Variants in ZNF581 observed in about 807,000 individuals in gnomAD.
ZNF581 encodes zinc finger protein 581.
ZNF581 carries 1 observed loss-of-function variant against 1.2 expected under a neutral mutation model. The ratio of observed to expected loss-of-function variants is 0.83; its 90% CI spans 0.30 to 3.95. The LOEUF is 3.95. ZNF581 is among the 30% of genes most tolerant of loss of function. The pLI is 0.18. For synonymous variants in ZNF581, 105 were observed against 109.2 expected, an observed-to-expected ratio of 0.96 and a Z score of 0.24; for missense variants, 273 against 274.6, an observed-to-expected ratio of 0.99 and a Z score of 0.04.
chr19:55,635,187 A>G (rs1335586390), upstream of ZNF581: 2 of 152,366 alleles, frequency 1.3e-5, no homozygotes, highest in Admixed American at 6.6e-5. Context: ...GGCCCTGCGA[A>G]GGAGGCTTGG....
In ZNF581 at chr19:55,644,420, C is replaced by T; in HGVS notation, c.-19-133C>T. ...CCACAGACTCCAGCTGTGAGCGGGA[C>T]TGGAAAAGAGGGACTGAGGGGCAGC... On this transcript the variant is annotated intron_variant, in intron 1 of 1. Coordinates refer to ENST00000270451, the MANE Select transcript of ZNF581 (RefSeq NM_016535.4). This position sits in a 1 kb window ranked among gnomAD's most constrained non-coding sequence, Gnocchi z 4.3. The T allele has an allele frequency of 3.2e-6, 2 of 632,686 alleles. No homozygotes were observed. The highest frequency in any genetic ancestry group is 2.7e-6 in the Non-Finnish European group (1 of 368,612). The allele number at this position is 632,686 out of a possible 1,614,324, so 39.2% of individuals were successfully genotyped here.
upstream of ZNF581, chr19:55,641,131 G>T (rs1404027824): frequency 6.1e-6 from 6 of 985,058 alleles, no homozygotes; most frequent in Non-Finnish European, 7.2e-6. Context: ...GGAAGCCCGG[G>T]GCCGCCCGGG....
chr19:55,635,570 C>T (rs756695648), exon 1 of ZNF581: 17 of 674,800 alleles, frequency 2.5e-5, no homozygotes, highest in Non-Finnish European at 3.1e-5. Context: ...CTCGCTGGAC[C>T]GTTGAGAGGA....
upstream of ZNF581, among the ~76,000 whole-genome samples, chr19:55,638,109 G>A (rs760303418): frequency 6.6e-6 from 1 of 152,278 alleles, no homozygotes; most frequent in East Asian, 1.9e-4. Flanking sequence ...TATACAGGAC[G>A]TGTGGTCCTG....
chr19:55,642,731 G>A (rs780430116), upstream of ZNF581: 4 of 1,515,762 alleles, frequency 2.6e-6, no homozygotes, highest in South Asian at 3.7e-5. Context: ...GGAGCCCCGG[G>A]GCCCGCCCCA....
chr19:55,640,355 A>T, upstream of ZNF581: 1 of 985,476 alleles, frequency 1.0e-6, no homozygotes, highest in Non-Finnish European at 1.2e-6. Context: ...TCAGGCTTCC[A>T]GTGGGCCCCG....
upstream of ZNF581, chr19:55,642,350 TGGAGTC>T: frequency 7.9e-7 from 1 of 1,270,786 alleles, no homozygotes; most frequent in Non-Finnish European, 9.9e-7. Context: ...AGAGCCGGGC[TGGAGTC>T]ACAGTTTTTA....
chr19:55,642,086 G>GA, upstream of ZNF581: 1 of 992,440 alleles, frequency 1.0e-6, no homozygotes, highest in Non-Finnish European at 1.2e-6. Context: ...CAGGAAAAAA[G>GA]AAGAAACCAC....
upstream of ZNF581, among the ~76,000 whole-genome samples, chr19:55,638,138 G>T (rs933418841): frequency 1.3e-5 from 2 of 152,172 alleles, no homozygotes; most frequent in African/African-American, 4.8e-5. Context: ...TTCTGGCGAG[G>T]GCTTCAGGAA....
chr19:55,637,637 G>A (rs1240355725), upstream of ZNF581, among the ~76,000 whole-genome samples: 2 of 152,154 alleles, frequency 1.3e-5, no homozygotes, highest in Non-Finnish European at 2.9e-5. Context: ...GGTGGTTTGC[G>A]CTGGGGTGGC....
chr19:55,639,217 CCATCTGGTGGGTGG>C (rs747255251), upstream of ZNF581, among the ~76,000 whole-genome samples: 4 of 152,038 alleles, frequency 2.6e-5, no homozygotes, highest in Admixed American at 6.6e-5. Flanking sequence ...GGTGCTACTG[CCATCTGGTGGGTGG>C]AGGCCAAGGA....
upstream of ZNF581, among the ~76,000 whole-genome samples, chr19:55,636,853 A>C (rs1353265296): frequency 6.6e-6 from 1 of 152,146 alleles, no homozygotes; most frequent in Non-Finnish European, 1.5e-5. Flanking sequence ...CATCACAGAG[A>C]GGGGAGGAGC....
chr19:55,642,799 C>T, upstream of ZNF581: 1 of 1,564,032 alleles, frequency 6.4e-7, no homozygotes, highest in Non-Finnish European at 8.6e-7. Context: ...GCCCGGAGTG[C>T]GCCCGTGTCT....
chr19:55,641,035 C>T (rs960094302), upstream of ZNF581: 21 of 985,202 alleles, frequency 2.1e-5, no homozygotes, highest in African/African-American at 2.8e-4. Context: ...ACCCCTCGCA[C>T]CCCCGCGCCC....
chr19:55,638,675 G>T (rs1441040682), upstream of ZNF581, among the ~76,000 whole-genome samples: 1 of 151,994 alleles, frequency 6.6e-6, no homozygotes, highest in Non-Finnish European at 1.5e-5. Context: ...CTCCAACACT[G>T]GGGATTACAT....
At chr19:55,640,773 C>G (rs1343079607), upstream of ZNF581, 1 of 985,360 alleles carries the variant, frequency 1.0e-6, no homozygotes, top group African/African-American at 1.7e-5. Context: ...GGCCTTAGGG[C>G]GAAGACGTAA....
Position 55,645,218 on chromosome 19 carries a change from T to C in ZNF581, c.*53T>C. ...ACAGGACTTTGCAGGGAGCCTGGAC[T>C]CCTGTCCAGACACCTGGTGAGAGCC... is the stretch of plus-strand genomic sequence containing the variant. On this transcript the variant is annotated 3_prime_UTR_variant, in exon 2 of 2. Coordinates refer to ENST00000270451, the MANE Select transcript of ZNF581 (RefSeq NM_016535.4). 6.9e-7 allele frequency: 1 copy of C among 1,447,838 alleles called. No individual in the cohort carries two copies. Among genetic ancestry groups the C allele is most frequent in the Non-Finnish European group, 9.3e-7 (1 of 1,078,582 alleles). 89.7% of individuals were successfully genotyped at this position (1,447,838 alleles called of 1,614,324 possible).
At chr19:55,642,540 C>A, upstream of ZNF581, 2 of 1,444,636 alleles carry the variant, frequency 1.4e-6, no homozygotes, top group Non-Finnish European at 1.8e-6. Context: ...CCACCCCACC[C>A]TCGGTCCTCC....
At chr19:55,637,199 G>A (rs1600034797), upstream of ZNF581, among the ~76,000 whole-genome samples, 1 of 152,072 alleles carries the variant, frequency 6.6e-6, no homozygotes, top group African/African-American at 2.4e-5. Context: ...GTCAGGGAAT[G>A]ATTCTGTGAG....
Sources: allele counts gnomAD v4.1 joint callset (sites outside exome capture counted in the v4.1 genomes callset), GRCh38; gene constraint gnomAD v4.1.1; non-coding constraint Gnocchi (gnomAD v3.1); transcripts MANE v1.5; gene names NCBI Gene and HGNC (gene_info 2026-07-23, HGNC 2026-07-21).